Variants in NVL observed in about 807,000 individuals in gnomAD.
The protein encoded by NVL is nuclear VCP like.
A neutral mutation model predicts 110.2 loss-of-function variants in NVL; 84 were observed. The observed-to-expected ratio is 0.76, with a 90% confidence interval of 0.64 to 0.91. The LOEUF is 0.91. Ranked by LOEUF, NVL falls within the 40% of genes least tolerant of loss-of-function variation. The pLI is 0.00. For missense variants in NVL, 882 were observed against 1,035.9 expected (o/e 0.85, Z 2.04); for synonymous variants, 354 against 361.1 (o/e 0.98, Z 0.22).
In NVL at chr1:224,298,412, C is replaced by T. The variant is rs375238830; in HGVS notation, c.1063-1794G>A. 15 of 166,190 alleles carry T rather than the reference C, an allele frequency of 9.0e-5. No individual in the cohort carries two copies. The East Asian group carries it at 2.5e-3, about 28-fold the overall frequency. 10.3% of individuals were successfully genotyped at this position (166,190 alleles called of 1,614,324 possible). A position where few individuals can be genotyped will look rare whatever the true frequency, so the allele number is the denominator to read the frequency against. On this transcript the variant is annotated intron_variant, in intron 10 of 22. Coordinates refer to ENST00000281701, the MANE Select transcript of NVL (RefSeq NM_002533.4). Reference sequence around the variant, plus strand: ...GAGAATCAATGTGTGCGAGAATCAACGTGCATATTGAGCACATTAAGCATT... The same window carrying T: ...GAGAATCAATGTGTGCGAGAATCAATGTGCATATTGAGCACATTAAGCATT...
intron 12 of NVL, among the ~76,000 whole-genome samples, chr1:224,293,156 G>A (rs1289850789): frequency 3.3e-5 from 5 of 149,646 alleles, no homozygotes; most frequent in African/African-American, 7.4e-5. Context: ...TGCAAGCTCC[G>A]CCTCCCGGGT....
intron 19 of NVL, among the ~76,000 whole-genome samples, chr1:224,239,217 G>A (rs1660879855): frequency 6.6e-6 from 1 of 152,088 alleles, no homozygotes; most frequent in Non-Finnish European, 1.5e-5. Context: ...AGTAACACTG[G>A]GCGAGGAATT....
At chr1:224,229,656 G>A (rs1309963662) in intron 22 of NVL, among the ~76,000 whole-genome samples, 2 of 151,796 alleles carry the variant, frequency 1.3e-5, no homozygotes, top group Non-Finnish European at 2.9e-5. Flanking sequence ...CACTATATTG[G>A]CCAGGCTGGT....
intron 19 of NVL, among the ~76,000 whole-genome samples, chr1:224,245,136 A>G (rs950388912): frequency 6.6e-5 from 10 of 152,250 alleles, no homozygotes; most frequent in Admixed American, 4.6e-4. Context: ...GAAAGAGAAA[A>G]TTGTATATAA....
At chr1:224,288,862 A>C (rs1185260772) in intron 13 of NVL, among the ~76,000 whole-genome samples, 1 of 152,312 alleles carries the variant, frequency 6.6e-6, no homozygotes, top group Non-Finnish European at 1.5e-5. Context: ...ATGACTCATA[A>C]AACTAAAAAA....
chr1:224,288,085 A>G (rs1227354496), intron 13 of NVL, 92 bp from the exon 14 acceptor site: 2 of 898,278 alleles, frequency 2.2e-6, no homozygotes, highest in African/African-American at 1.7e-5. Flanking sequence ...TTATTACTGT[A>G]ATATTTCCGT....
intron 18 of NVL, among the ~76,000 whole-genome samples, chr1:224,252,288 C>A (rs1326302321): frequency 6.6e-6 from 1 of 152,030 alleles, no homozygotes; most frequent in African/African-American, 2.4e-5. Context: ...CTTGCCAGAC[C>A]CTTGGTATCA....
intron 4 of NVL, among the ~76,000 whole-genome samples, chr1:224,314,290 A>T (rs10753462): frequency 6.6e-6 from 1 of 152,152 alleles, no homozygotes; most frequent in Non-Finnish European, 1.5e-5. Context: ...ATTATGCAAT[A>T]GTGTAACACA....
chr1:224,244,670 C>A (rs1006219683), intron 19 of NVL, among the ~76,000 whole-genome samples: 10 of 144,144 alleles, frequency 6.9e-5, no homozygotes, highest in African/African-American at 2.6e-4. Context: ...TGGGGTTTCG[C>A]CATGTTGGTC....
intron 2 of NVL, among the ~76,000 whole-genome samples, chr1:224,325,343 G>A (rs1671044788): frequency 6.6e-6 from 1 of 151,596 alleles, no homozygotes; most frequent in Admixed American, 6.6e-5. Flanking sequence ...AGGCGAAGGT[G>A]GAAGGATCAC....
At chr1:224,242,439 A>ACTACTTTT (rs1199244285) in intron 19 of NVL, among the ~76,000 whole-genome samples, 1 of 151,742 alleles carries the variant, frequency 6.6e-6, no homozygotes, top group Non-Finnish European at 1.5e-5. Context: ...AAGATGTGCT[A>ACTACTTTT]CTACTTTTAT....
intron 18 of NVL, among the ~76,000 whole-genome samples, chr1:224,255,592 A>G (rs1402369754): frequency 6.6e-6 from 1 of 152,132 alleles, no homozygotes; most frequent in Non-Finnish European, 1.5e-5. Context: ...GCATTTTTGT[A>G]AGAGACTGGG....
chr1:224,250,975 T>A (rs1184984776), intron 18 of NVL, among the ~76,000 whole-genome samples: 14 of 151,572 alleles, frequency 9.2e-5, no homozygotes, highest in Admixed American at 4.6e-4. Flanking sequence ...TAAAATCTTT[T>A]AAAAAATGCA....
chr1:224,287,069 A>C (rs1296914563), intron 14 of NVL, among the ~76,000 whole-genome samples: 1 of 152,212 alleles, frequency 6.6e-6, no homozygotes, highest in East Asian at 1.9e-4. Context: ...AATAGGTCTC[A>C]ATGGAATATT....
At chr1:224,275,290 G>T in intron 17 of NVL, 49 bp downstream of exon 17, 1 of 1,609,122 alleles carries the variant, frequency 6.2e-7, no homozygotes, top group African/African-American at 1.3e-5. Context: ...ACATAGAAAA[G>T]GTTTATTGTG....
At chr1:224,303,954 G>T in intron 8 of NVL, 97 bp from the exon 9 acceptor site, 1 of 1,334,462 alleles carries the variant, frequency 7.5e-7, no homozygotes, top group Non-Finnish European at 1.0e-6. Context: ...GAGTAGATAG[G>T]TAGAATATAC....
At chr1:224,280,207 T>A (rs956026123) in intron 16 of NVL, among the ~76,000 whole-genome samples, 1 of 148,908 alleles carries the variant, frequency 6.7e-6, no homozygotes, top group Non-Finnish European at 1.5e-5. Context: ...GGGTGATAGA[T>A]ACATAGGGGT....
intron 16 of NVL, among the ~76,000 whole-genome samples, chr1:224,279,933 C>T (rs868556502): frequency 6.6e-6 from 1 of 152,088 alleles, no homozygotes; most frequent in East Asian, 1.9e-4. Context: ...ATCCTCTTGC[C>T]TCAGCCTCCC....
Position 224,305,052 on chromosome 1 carries a change from C to A in NVL, c.730G>T (p.Ala244Ser). Residue 244 changes from alanine to serine, a missense_variant, in exon 7 of 23, where the codon GCT (alanine) becomes TCT (serine). Around this residue, in one of 4 missense-constraint regions of NVL, gnomAD observed 416 missense variants for 499.3 expected, o/e 0.83. Transcript: ENST00000281701. ...DLQEVDGEIE[A>S]VLQKKAKARG... ...ACCTTACCTTTCTTTTGCAGGACAG[C>A]TTCAATTTCTCCATCTACTTCCTGA... 1 of 1,613,382 alleles carries A rather than the reference C, an allele frequency of 6.2e-7. No homozygotes were observed. Among genetic ancestry groups the A allele is most frequent in the Non-Finnish European group, 8.5e-7 (1 of 1,179,812 alleles).
Sources: gnomAD v4.1 joint callset for allele counts (sites outside exome capture counted in the v4.1 genomes callset) on GRCh38, gnomAD v4.1.1 for gene constraint, gnomAD v4.1.1 regional missense constraint, MANE v1.5 for transcripts, NCBI Gene and HGNC (gene_info 2026-07-23, HGNC 2026-07-21) for gene names.